Variants in RNF17 observed in about 807,000 individuals in gnomAD.
RNF17 encodes the protein spermatogenesis associated 23.
In RNF17, 31 loss-of-function variants were observed where a neutral mutation model predicts 200.5. That is an observed-to-expected ratio of 0.15 (90% CI 0.12 to 0.21). RNF17 has a LOEUF of 0.21. RNF17 is among the 10% of genes least tolerant of loss of function. The pLI is 1.00. For missense variants in RNF17, 1,628 were observed against 1,905.1 expected (o/e 0.85, Z 2.71); for synonymous variants, 606 against 637.8 (o/e 0.95, Z 0.75).
At chr13:24,803,934 A>G (rs1290622067) in intron 14 of RNF17, 2 of 238,648 alleles carry the variant, frequency 8.4e-6, no homozygotes, top group African/African-American at 4.7e-5. Context: ...CAGTACATGT[A>G]CAAGTCCTTC....
intron 11 of RNF17, among the ~76,000 whole-genome samples, chr13:24,797,643 A>G (rs940380697): frequency 2.7e-5 from 4 of 150,080 alleles, no homozygotes; most frequent in African/African-American, 7.4e-5. Context: ...CGTTAGGTTA[A>G]TTGGTGTGTC....
chr13:24,795,381 T>C (rs955030675), intron 10 of RNF17, among the ~76,000 whole-genome samples: 1 of 151,450 alleles, frequency 6.6e-6, no homozygotes, highest in Admixed American at 6.6e-5. Context: ...TTTTCCAAAC[T>C]TCTCTCTCCC....
intron 30 of RNF17, 105 bp downstream of exon 30, chr13:24,866,308 T>A: frequency 3.2e-6 from 2 of 617,648 alleles, no homozygotes; most frequent in East Asian, 6.1e-5. Flanking sequence ...ATTATTTATA[T>A]ATCATAGAAT....
chr13:24,874,020 G>A, intron 32 of RNF17, 94 bp from the exon 33 acceptor site: 1 of 1,239,532 alleles, frequency 8.1e-7, no homozygotes, highest in Admixed American at 2.2e-5. Context: ...AACAAACATG[G>A]GGTACAAGTA....
At chr13:24,790,946 T>C (rs546215421) in intron 9 of RNF17, among the ~76,000 whole-genome samples, 1 of 152,168 alleles carries the variant, frequency 6.6e-6, no homozygotes, top group Non-Finnish European at 1.5e-5. Flanking sequence ...CCTCTTAATG[T>C]CACCACAATG....
At chr13:24,847,598 G>A (rs1359387733) in intron 22 of RNF17, among the ~76,000 whole-genome samples, 4 of 152,022 alleles carry the variant, frequency 2.6e-5, no homozygotes, top group Non-Finnish European at 4.4e-5. Context: ...TGTCTGCCTC[G>A]GCCTCCCAAG....
intron 18 of RNF17, among the ~76,000 whole-genome samples, chr13:24,832,469 G>A (rs1207372917): frequency 1.3e-5 from 2 of 152,134 alleles, no homozygotes; most frequent in Non-Finnish European, 2.9e-5. Flanking sequence ...ACTAGCCCAC[G>A]ATTTTGTAAC....
chr13:24,881,800 A>G (rs564827285), downstream of RNF17, among the ~76,000 whole-genome samples: 16 of 143,374 alleles, frequency 1.1e-4, 1 homozygote, highest in Non-Finnish European at 1.8e-4. Flanking sequence ...CCGTCTCTAT[A>G]TATCTAGATA....
At chr13:24,871,406 C>T (rs1242735803) in intron 32 of RNF17, among the ~76,000 whole-genome samples, 5 of 152,104 alleles carry the variant, frequency 3.3e-5, no homozygotes, top group Middle Eastern at 3.2e-3. Flanking sequence ...GACGTGATCT[C>T]GGCTCACTGC....
chr13:24,796,168 A>T lies in RNF17; in HGVS notation c.1272A>T (p.Val424=). The T allele has an allele frequency of 6.2e-7, 1 of 1,612,304 alleles. No homozygotes were observed. Among genetic ancestry groups the T allele is most frequent in the Non-Finnish European group, 8.5e-7 (1 of 1,178,926 alleles). The change falls in exon 11 of 36, where the codon GTA becomes GTT. Residue 424 remains valine (V), a synonymous_variant. Coordinates refer to ENST00000255324, the MANE Select transcript of RNF17 (RefSeq NM_031277.3). Reference sequence around the variant, plus strand: ...CAGAGCTAGTTTTTGTAAGCCATGTAATAGATCCTTGCCATTTCTACATTC... The same window carrying T: ...CAGAGCTAGTTTTTGTAAGCCATGTTATAGATCCTTGCCATTTCTACATTC... ...SSAELVFVSH[V]IDPCHFYIRK... is the part of the protein sequence containing the mutation.
downstream of RNF17, among the ~76,000 whole-genome samples, chr13:24,881,561 TAG>T (rs1014170856): frequency 1.3e-5 from 2 of 151,848 alleles, no homozygotes; most frequent in African/African-American, 4.8e-5. Flanking sequence ...AGGTATATTC[TAG>T]AGATATCTCA....
chr13:24,811,377 T>C (rs1013268134), intron 15 of RNF17, among the ~76,000 whole-genome samples: 30 of 152,150 alleles, frequency 2.0e-4, no homozygotes, highest in African/African-American at 7.0e-4. Flanking sequence ...CCCTTCTCGC[T>C]TCATTTCATT....
chr13:24,840,419 G>GC (rs1048546929), intron 18 of RNF17, among the ~76,000 whole-genome samples: 2 of 152,138 alleles, frequency 1.3e-5, no homozygotes, highest in African/African-American at 4.8e-5. Context: ...AAAGACACTT[G>GC]CACACGCATG....
chr13:24,771,522 C>A (rs1465557818), intron 2 of RNF17, among the ~76,000 whole-genome samples: 8 of 151,548 alleles, frequency 5.3e-5, no homozygotes, highest in Non-Finnish European at 1.2e-4. Flanking sequence ...ATTAACATTT[C>A]ATCCTGTGTA....
chr13:24,871,864 C>A (rs537429101), intron 32 of RNF17, among the ~76,000 whole-genome samples: 1 of 151,950 alleles, frequency 6.6e-6, no homozygotes, highest in Admixed American at 6.6e-5. Flanking sequence ...AATTCCTGAC[C>A]TCGTGATCCA....
At chr13:24,884,251 A>AAGAC (rs1566276241), downstream of RNF17, 1 of 1,614,104 alleles carries the variant, frequency 6.2e-7, no homozygotes, top group East Asian at 2.2e-5. Context: ...TAGATCTGTA[A>AAGAC]AGACACACAG....
At chr13:24,838,211 CA>C (rs912043795) in intron 18 of RNF17, among the ~76,000 whole-genome samples, 14 of 151,552 alleles carry the variant, frequency 9.2e-5, no homozygotes, top group Admixed American at 4.6e-4. Context: ...AAATTACCAA[CA>C]AAAAAAAGGA....
the RNF17 span, among the ~76,000 whole-genome samples, chr13:24,754,848 A>G: frequency 1.3e-5 from 2 of 151,538 alleles, no homozygotes; most frequent in African/African-American, 2.4e-5. Flanking sequence ...GTAAGCCATG[A>G]TGGTGGCACT....
At position 24,874,214 on chromosome 13, in the gene RNF17, T is replaced by A; in HGVS notation, c.4548T>A (p.Val1516=). The change falls in exon 33 of 36, where the codon GTT becomes GTA. Residue 1516 remains valine (V), a synonymous_variant. Coordinates refer to ENST00000255324, the MANE Select transcript of RNF17 (RefSeq NM_031277.3). ...CTTTATCTATCTTAGTACAATTTGT[T>A]GATTATGGATCAACTGCAAAGCTGA... is the stretch of plus-strand genomic sequence containing the variant. ...FNPLSILVQF[V]DYGSTAKLTL... The A allele has an allele frequency of 6.2e-7, 1 of 1,607,492 alleles. No homozygotes were observed. Among genetic ancestry groups the A allele is most frequent in the Non-Finnish European group, 8.5e-7 (1 of 1,177,632 alleles).
Sources: gnomAD v4.1 joint callset for allele counts (sites outside exome capture counted in the v4.1 genomes callset) on GRCh38, gnomAD v4.1.1 for gene constraint, MANE v1.5 for transcripts, NCBI Gene and HGNC (gene_info 2026-07-23, HGNC 2026-07-21) for gene names.